FOXRED1: variants seen among roughly 807,000 people sequenced by gnomAD.
FOXRED1 encodes FAD-dependent oxidoreductase domain-containing protein 1.
In FOXRED1, 52 loss-of-function variants were observed where a neutral mutation model predicts 57.8. That is an observed-to-expected ratio of 0.90 (90% CI 0.72 to 1.13). The LOEUF (loss-of-function observed/expected upper bound fraction) is 1.13, where lower values mean the gene tolerates loss of function less well. Among genes scored for constraint, FOXRED1 ranks in the 50% most tolerant of loss-of-function variants. The pLI, the probability that FOXRED1 is intolerant of heterozygous loss-of-function variation, is 0.00. For synonymous variants in FOXRED1, 271 were observed against 248.3 expected, an observed-to-expected ratio of 1.09 and a Z score of -0.86; for missense variants, 589 against 625.2, an observed-to-expected ratio of 0.94 and a Z score of 0.62.
rs1350841230 is a variant in FOXRED1 at position 126,272,678 on chromosome 11, A to C, written c.307-291A>C. On this transcript the variant is annotated intron_variant, in intron 2 of 10. Transcript: ENST00000263578. The surrounding 1 kb of genome is among the most constrained non-coding windows in gnomAD (Gnocchi z 4.6). ...CTTCAATCATAACCTTTCATTTCCC[A>C]AATGGTAGGTCAAACGTTAATCGCC... The C allele has an allele frequency of 2.0e-6, 1 of 507,776 alleles. No homozygotes were observed. Among genetic ancestry groups the C allele is most frequent in the African/African-American group, 1.9e-5 (1 of 51,834 alleles). The allele number at this position is 507,776 out of a possible 1,614,324, so 31.5% of individuals were successfully genotyped here.
rs539113506 is a variant in FOXRED1, at chr11:126,275,387, T to A, written c.692T>A (p.Val231Asp). ...CTGCTCCAGGGGCTTCGGCGAAAGG[T>A]CCAGTCCTTGGGAGTCCTTTTCTGC... Reference protein sequence around the residue: ...WCLLQGLRRKVQSLGVLFCQG... With the variant: ...WCLLQGLRRKDQSLGVLFCQG... Residue 231 changes from valine (V) to aspartate (D), a missense_variant, in exon 6 of 11, where the codon GTC becomes GAC. Coordinates refer to ENST00000263578, the MANE Select transcript of FOXRED1 (RefSeq NM_017547.4). This position sits in a 1 kb window ranked among gnomAD's most constrained non-coding sequence, Gnocchi z 5.9. 7.1e-5 allele frequency: 114 copies of A among 1,613,878 alleles called. 1 individual carries two copies. In the South Asian group the frequency reaches 1.2e-3, roughly 17 times the overall value.
At position 126,277,033 on chromosome 11, in the gene FOXRED1, C is replaced by T. The variant is rs1565357442; in HGVS notation, c.1102-38C>T. Reference sequence around the variant, plus strand: ...ACAAGTCTGGGCCTGTCCTTGTGTCCCAGGCAATGTAAGCGTTGTCCCCAC... The same window carrying T: ...ACAAGTCTGGGCCTGTCCTTGTGTCTCAGGCAATGTAAGCGTTGTCCCCAC... On this transcript the variant is annotated intron_variant, in intron 9 of 10. Transcript: ENST00000263578. This position sits in a 1 kb window ranked among gnomAD's most constrained non-coding sequence, Gnocchi z 6.8. 1.6e-6 allele frequency: 2 copies of T among 1,259,054 alleles called. No homozygotes were observed. Among genetic ancestry groups the T allele is most frequent in the Non-Finnish European group, 1.2e-6 (1 of 856,294 alleles). The allele number at this position is 1,259,054 out of a possible 1,614,324, so 78.0% of individuals were successfully genotyped here.
chr11:126,277,651 T>G lies in FOXRED1; in HGVS notation c.1423T>G (p.Tyr475Asp). 1 of 1,613,762 alleles carries G rather than the reference T, an allele frequency of 6.2e-7. No homozygotes were observed. Among genetic ancestry groups the G allele is most frequent in the Non-Finnish European group, 8.5e-7 (1 of 1,180,006 alleles). Residue 475 changes from tyrosine (Y) to aspartate (D), a missense_variant, in exon 11 of 11, where the codon TAC becomes GAC. Physicochemically the swap from Tyr to Asp is radical, Grantham distance 160. Transcript: ENST00000263578. The surrounding 1 kb of genome is among the most constrained non-coding windows in gnomAD (Gnocchi z 6.8). ...DLSPFLFTRF[Y>D]LGEKIQENNI... ...GAGCCCCTTCCTCTTTACCCGCTTT[T>G]ACTTGGGAGAGAAGATCCAGGAGAA...
chr11:126,275,828 A>C lies in FOXRED1; in HGVS notation c.768A>C (p.Thr256=). The C allele has an allele frequency of 6.2e-7, 1 of 1,613,074 alleles. No individual in the cohort carries two copies. Among genetic ancestry groups the C allele is most frequent in the Non-Finnish European group, 8.5e-7 (1 of 1,179,110 alleles). ...FVSSSQRMLT[T]DDKAVVLKRI... ...CTTCATCTCAACGCATGTTGACCACAGATGACAAAGCGGTGGTCTTGAAAA... is the reference window on the plus strand; with the variant it reads ...CTTCATCTCAACGCATGTTGACCACCGATGACAAAGCGGTGGTCTTGAAAA... Residue 256 remains threonine, a synonymous_variant, in exon 7 of 11, where the codon ACA becomes ACC. Transcript: ENST00000263578. This position sits in a 1 kb window ranked among gnomAD's most constrained non-coding sequence, Gnocchi z 5.9.
In FOXRED1 at chr11:126,275,446, T is replaced by A. The variant is rs756752516; in HGVS notation, c.733+18T>A. The A allele has an allele frequency of 1.3e-6, 2 of 1,533,934 alleles. No homozygotes were observed. Among genetic ancestry groups the A allele is most frequent in the Non-Finnish European group, 1.8e-6 (2 of 1,106,662 alleles). ...GGTGACACGTGAGTCTGAGCTTGTTTCCTCTAGCAACCGGGGCATAGGCCT... is the reference window on the plus strand; with the variant it reads ...GGTGACACGTGAGTCTGAGCTTGTTACCTCTAGCAACCGGGGCATAGGCCT... On this transcript the variant is annotated intron_variant, in intron 6 of 10. Coordinates refer to ENST00000263578, the MANE Select transcript of FOXRED1 (RefSeq NM_017547.4). The surrounding 1 kb of genome is among the most constrained non-coding windows in gnomAD (Gnocchi z 5.9).
chr11:126,269,347 C>T lies in FOXRED1; in HGVS notation c.85+56C>T, dbSNP rs997234988. The T allele has an allele frequency of 9.3e-6, 15 of 1,613,538 alleles. No individual in the cohort carries two copies. The Admixed American group carries it at 2.5e-4, about 27-fold the overall frequency. ...GTTCTGGGTTGTCCCCAACCTCCGA[C>T]TGTGTGTCCTTCAGGACCCGAAACC... On this transcript the variant is annotated intron_variant, in intron 1 of 10. Transcript: ENST00000263578.
Position 126,273,045 on chromosome 11 carries a change from C to T in FOXRED1, c.383C>T (p.Ser128Phe). The T allele has an allele frequency of 6.2e-7, 1 of 1,604,462 alleles. No individual in the cohort carries two copies. The highest frequency in any genetic ancestry group is 8.5e-7 in the Non-Finnish European group (1 of 1,171,134). Residue 128 changes from serine to phenylalanine, a missense_variant, in exon 3 of 11, where the codon TCC becomes TTC. Ser to Phe is a radical substitution (Grantham distance 155). Transcript: ENST00000263578. This position sits in a 1 kb window ranked among gnomAD's most constrained non-coding sequence, Gnocchi z 5.9. Reference protein sequence around the residue: ...QFSLPENIQLSLFSASFLRNI... With the variant: ...QFSLPENIQLFLFSASFLRNI... ...TCATTGCCTGAGAACATCCAGCTCTCCCTCTTTTCAGCCAGCTTTCTACGG... is the reference window on the plus strand; with the variant it reads ...TCATTGCCTGAGAACATCCAGCTCTTCCTCTTTTCAGCCAGCTTTCTACGG...
rs1951067820 is a variant in FOXRED1 at position 126,274,173 on chromosome 11, G to A, written c.536+719G>A. 6.3e-6 allele frequency: 1 copy of A among 158,114 alleles called. No homozygotes were observed. Among genetic ancestry groups the A allele is most frequent in the Non-Finnish European group, 1.4e-5 (1 of 71,350 alleles). The allele number at this position is 158,114 out of a possible 1,614,324, so 9.8% of individuals were successfully genotyped here. On this transcript the variant is annotated intron_variant, in intron 4 of 10. Transcript: ENST00000263578. This position sits in a 1 kb window ranked among gnomAD's most constrained non-coding sequence, Gnocchi z 4.8. ...AGGCGCTAGTAAGTGGTGGCGGTAG[G>A]ATCTTATTTGAAGCCAGCAGTCTGG...
Position 126,276,417 on chromosome 11 carries a change from C to T in FOXRED1, c.995C>T (p.Pro332Leu). The T allele has an allele frequency of 4.2e-6, 6 of 1,417,926 alleles. No individual in the cohort carries two copies. Among genetic ancestry groups the T allele is most frequent in the Non-Finnish European group, 5.7e-6 (6 of 1,059,866 alleles). The allele number at this position is 1,417,926 out of a possible 1,614,324, so 87.8% of individuals were successfully genotyped here. A position where few individuals can be genotyped will look rare whatever the true frequency, so the allele number is the denominator to read the frequency against. Residue 332 changes from proline to leucine, a missense_variant, in exon 9 of 11, where the codon CCC becomes CTC. Coordinates refer to ENST00000263578, the MANE Select transcript of FOXRED1 (RefSeq NM_017547.4). Reference sequence around the variant, plus strand: ...AGGTATGTGTATGTGTGGCACTGCCCCCAGGGACCAGGCCTAGAGACTCCG... The same window carrying T: ...AGGTATGTGTATGTGTGGCACTGCCTCCAGGGACCAGGCCTAGAGACTCCG... ...RKRYVYVWHC[P>L]QGPGLETPLV...
In FOXRED1 at chr11:126,274,678, G is replaced by A. The variant is rs1951082120; in HGVS notation, c.537-249G>A. The A allele has an allele frequency of 1.9e-6, 1 of 530,526 alleles. No individual in the cohort carries two copies. Among genetic ancestry groups the A allele is most frequent in the Non-Finnish European group, 3.4e-6 (1 of 294,102 alleles). 32.9% of individuals were successfully genotyped at this position (530,526 alleles called of 1,614,324 possible). On this transcript the variant is annotated intron_variant, in intron 4 of 10. Transcript: ENST00000263578. This position sits in a 1 kb window ranked among gnomAD's most constrained non-coding sequence, Gnocchi z 4.8. ...AAAAAAGAAGTCATGGAATAGACTG[G>A]GATAGCAGGGAGCTCTGTGTGCTGA...
Position 126,273,292 on chromosome 11 carries a change from C to T in FOXRED1, c.418-44C>T. 1 of 1,439,146 alleles carries T rather than the reference C, an allele frequency of 6.9e-7. No homozygotes were observed. Among genetic ancestry groups the T allele is most frequent in the Non-Finnish European group, 9.8e-7 (1 of 1,020,638 alleles). 89.1% of individuals were successfully genotyped at this position (1,439,146 alleles called of 1,614,324 possible). A position where few individuals can be genotyped will look rare whatever the true frequency, so the allele number is the denominator to read the frequency against. ...AAGAAGGCAGGAAAACTCTTTCTGG[C>T]ATCCTTAAGTCAGTTTCTTTCAGGA... On this transcript the variant is annotated intron_variant, in intron 3 of 10. Transcript: ENST00000263578. This position sits in a 1 kb window ranked among gnomAD's most constrained non-coding sequence, Gnocchi z 5.9.
In FOXRED1 at chr11:126,273,580, G is replaced by T; in HGVS notation, c.536+126G>T. 1.3e-6 allele frequency: 1 copy of T among 740,824 alleles called. No homozygotes were observed. Among genetic ancestry groups the T allele is most frequent in the East Asian group, 2.5e-5 (1 of 39,692 alleles). The allele number at this position is 740,824 out of a possible 1,614,324, so 45.9% of individuals were successfully genotyped here. ...TCCCTGCGGTCTAGGACCTCAGTGTGTCAGGAAGAAAATACACAGACCTGC... is the reference window on the plus strand; with the variant it reads ...TCCCTGCGGTCTAGGACCTCAGTGTTTCAGGAAGAAAATACACAGACCTGC... On this transcript the variant is annotated intron_variant, in intron 4 of 10. Transcript: ENST00000263578. The surrounding 1 kb of genome is among the most constrained non-coding windows in gnomAD (Gnocchi z 5.9).
In FOXRED1 at chr11:126,275,421, G is replaced by A; in HGVS notation, c.726G>A (p.Glu242=). Residue 242 remains glutamate (E), a synonymous_variant, in exon 6 of 11, where the codon GAG becomes GAA. Coordinates refer to ENST00000263578, the MANE Select transcript of FOXRED1 (RefSeq NM_017547.4). The surrounding 1 kb of genome is among the most constrained non-coding windows in gnomAD (Gnocchi z 5.9). The part of the protein sequence containing the change: ...QSLGVLFCQG[E]VTRFVSSSQR... The stretch of plus-strand genomic sequence containing the variant: ...TGGGAGTCCTTTTCTGCCAGGGAGA[G>A]GTGACACGTGAGTCTGAGCTTGTTT... 1 of 1,607,926 alleles carries A rather than the reference G, an allele frequency of 6.2e-7. No homozygotes were observed. The highest frequency in any genetic ancestry group is 8.5e-7 in the Non-Finnish European group (1 of 1,174,344).
Position 126,273,596 on chromosome 11 carries a change from A to C in FOXRED1, c.536+142A>C. Reference sequence around the variant, plus strand: ...CCTCAGTGTGTCAGGAAGAAAATACACAGACCTGCAATGCCCTGGGAGTGC... The same window carrying C: ...CCTCAGTGTGTCAGGAAGAAAATACCCAGACCTGCAATGCCCTGGGAGTGC... On this transcript the variant is annotated intron_variant, in intron 4 of 10. Coordinates refer to ENST00000263578, the MANE Select transcript of FOXRED1 (RefSeq NM_017547.4). This position sits in a 1 kb window ranked among gnomAD's most constrained non-coding sequence, Gnocchi z 5.9. 1 of 709,972 alleles carries C rather than the reference A, an allele frequency of 1.4e-6. No individual in the cohort carries two copies. Among genetic ancestry groups the C allele is most frequent in the Non-Finnish European group, 2.6e-6 (1 of 387,724 alleles). 44.0% of individuals were successfully genotyped at this position (709,972 alleles called of 1,614,324 possible).
At chr11:126,269,500 A>T in intron 1 of FOXRED1, 1 of 833,638 alleles carries the variant, frequency 1.2e-6, no homozygotes, top group Non-Finnish European at 2.0e-6. Context: ...GTCTCACATC[A>T]TTCTCCATTT....
chr11:126,272,617 T>C lies in FOXRED1; in HGVS notation c.307-352T>C. On this transcript the variant is annotated intron_variant, in intron 2 of 10. Transcript: ENST00000263578. The surrounding 1 kb of genome is among the most constrained non-coding windows in gnomAD (Gnocchi z 4.6). ...GTTTTTACACTTTAGGTGTTCCTGT[T>C]TGCATTGCCAGCTAGCCACGAGTCT... is the stretch of plus-strand genomic sequence containing the variant. The C allele has an allele frequency of 2.7e-6, 1 of 370,648 alleles. No individual in the cohort carries two copies. The highest frequency in any genetic ancestry group is 2.3e-5 in the South Asian group (1 of 42,872). 23.0% of individuals were successfully genotyped at this position (370,648 alleles called of 1,614,324 possible).
chr11:126,275,414 A>G lies in FOXRED1; in HGVS notation c.719A>G (p.Gln240Arg). 1.2e-6 allele frequency: 2 copies of G among 1,611,678 alleles called. No homozygotes were observed. Among genetic ancestry groups the G allele is most frequent in the Non-Finnish European group, 1.7e-6 (2 of 1,177,794 alleles). The change falls in exon 6 of 11, where the codon CAG becomes CGG. Residue 240 changes from glutamine to arginine, a missense_variant. Coordinates refer to ENST00000263578, the MANE Select transcript of FOXRED1 (RefSeq NM_017547.4). The surrounding 1 kb of genome is among the most constrained non-coding windows in gnomAD (Gnocchi z 5.9). ...CAGTCCTTGGGAGTCCTTTTCTGCC[A>G]GGGAGAGGTGACACGTGAGTCTGAG... ...KVQSLGVLFC[Q>R]GEVTRFVSSS...
At chr11:126,269,461 C>A in intron 1 of FOXRED1, 170 bp downstream of exon 1, 2 of 1,318,886 alleles carry the variant, frequency 1.5e-6, no homozygotes, top group Non-Finnish European at 2.1e-6. Context: ...AGGTGTATGG[C>A]TCCCAAGGCG....
At position 126,269,243 on chromosome 11, in the gene FOXRED1, G is replaced by C; in HGVS notation, c.37G>C (p.Gly13Arg). Residue 13 changes from glycine (G) to arginine (R), a missense_variant, in exon 1 of 11, where the codon GGC (glycine) becomes CGC (arginine). Gly to Arg is a moderately radical substitution (Grantham distance 125, BLOSUM62 -2). Transcript: ENST00000263578. ...GGTTCTGCCGCACGGCATGGGCCGG[G>C]GCCTCTTGACCCGGAGGCCAGGCAC... The part of the protein sequence containing the change: ...RRVLPHGMGR[G>R]LLTRRPGTRR... 2 of 1,614,202 alleles carry C rather than the reference G, an allele frequency of 1.2e-6. No homozygotes were observed. Among genetic ancestry groups the C allele is most frequent in the Non-Finnish European group, 1.7e-6 (2 of 1,180,042 alleles).
Sources: gnomAD v4.1 joint callset for allele counts on GRCh38, gnomAD v4.1.1 for gene constraint, Gnocchi (gnomAD v3.1) non-coding constraint, MANE v1.5 for transcripts, NCBI Gene and HGNC (gene_info 2026-07-23, HGNC 2026-07-21) for gene names.